The following KATNAL2 variants were observed in gnomAD, a reference collection of about 807,000 sequenced individuals.
KATNAL2 encodes katanin p60 ATPase-containing subunit A-like 2.
A neutral mutation model predicts 76.3 loss-of-function variants in KATNAL2; 52 were observed. The observed-to-expected ratio is 0.68, with a 90% CI of 0.55 to 0.86. KATNAL2 has a LOEUF of 0.86. Among genes scored for constraint, KATNAL2 ranks in the 40% least tolerant of loss-of-function variants. The pLI is 0.00. For synonymous variants in KATNAL2, 243 were observed against 244.2 expected (o/e 1.00, Z 0.05); for missense variants, 660 against 668.9 (o/e 0.99, Z 0.15).
At chr18:46,929,597 A>C (rs547658521) in intron 1 of KATNAL2, among the ~76,000 whole-genome samples, 3 of 152,068 alleles carry the variant, frequency 2.0e-5, no homozygotes, top group Non-Finnish European at 4.4e-5. Flanking sequence ...ATAGACCCCA[A>C]CTTATCCTTT....
At position 47,100,234 on chromosome 18, in the gene KATNAL2, T is replaced by C. The variant is rs370668189; in HGVS notation, c.1375-20T>C. The C allele has an allele frequency of 2.1e-5, 34 of 1,593,366 alleles. No homozygotes were observed. Among genetic ancestry groups the C allele is most frequent in the Non-Finnish European group, 2.8e-5 (32 of 1,161,100 alleles). On this transcript the variant is annotated intron_variant, in intron 16 of 17. Transcript: ENST00000683218. ...AGCATTCTGCCCACTGACCAATGGC[T>C]GGTTTTTTGGCTGTTTCAGGAGACT...
chr18:47,032,742 A>G, intron 3 of KATNAL2: 1 of 595,316 alleles, frequency 1.7e-6, no homozygotes, highest in South Asian at 2.3e-5. Context: ...TTTAAAAATT[A>G]TCAGTGAACA....
intron 8 of KATNAL2, among the ~76,000 whole-genome samples, chr18:47,059,902 GC>G (rs1569095623): frequency 6.6e-6 from 1 of 152,064 alleles, no homozygotes; most frequent in Non-Finnish European, 1.5e-5. Context: ...AAATTGAGGG[GC>G]TTGGAAGAGA....
chr18:46,956,848 T>C (rs1286778857), intron 3 of KATNAL2, among the ~76,000 whole-genome samples: 20 of 151,858 alleles, frequency 1.3e-4, no homozygotes, highest in Admixed American at 1.3e-3. Flanking sequence ...TTCCAGACCA[T>C]CCTGACCAAT....
At position 46,926,216 on chromosome 18, in the gene KATNAL2, G is replaced by C. The variant is rs186558643; in HGVS notation, c.-510+8290G>C. Among the ~76,000 whole-genome samples, 41 of 151,842 alleles carry C rather than the reference G, an allele frequency of 2.7e-4. 1 individual carries two copies. The highest frequency in any genetic ancestry group is 9.7e-4 in the African/African-American group (40 of 41,302). On this transcript the variant is annotated intron_variant, in intron 1 of 17. Coordinates refer to ENST00000683218, the MANE Select transcript of KATNAL2 (RefSeq NM_001387690.1). ...AGATCTTTCCTGCTTTCTCTTGTGG[G>C]CATTTAGTACTATAAATTTCCCTCT...
chr18:47,085,233 T>G (rs2062719658), intron 15 of KATNAL2, among the ~76,000 whole-genome samples: 1 of 152,186 alleles, frequency 6.6e-6, no homozygotes, highest in African/African-American at 2.4e-5. Context: ...ATTTGTGAAA[T>G]GGTAGTTTTA....
rs540250295 is a variant in KATNAL2, at chr18:47,049,365, A to G, written c.122+2838A>G. ...TTGGGTTTTATTCTCTTAATACCCA[A>G]CTTGGTTCAGCAAAGGACTTAAAGA... On this transcript the variant is annotated intron_variant, in intron 4 of 17. Transcript: ENST00000683218. 1.0e-3 allele frequency among the ~76,000 whole-genome samples: 152 copies of G among 152,296 alleles called. 2 individuals carry two copies. Among genetic ancestry groups the G allele is most frequent in the South Asian group, 4.8e-3 (23 of 4,826 alleles).
chr18:47,033,714 G>A (rs564539319), intron 3 of KATNAL2: 1 of 1,614,184 alleles, frequency 6.2e-7, no homozygotes, highest in East Asian at 2.2e-5. Context: ...CAGGCCTGGA[G>A]CCCGAGTACA....
chr18:46,949,876 G>A (rs1280145844), intron 3 of KATNAL2, among the ~76,000 whole-genome samples: 1 of 152,054 alleles, frequency 6.6e-6, no homozygotes, highest in East Asian at 1.9e-4. Context: ...CCTCTCTTCA[G>A]TCCAACCTTC....
In KATNAL2 at chr18:47,098,398, C is replaced by T. The variant is rs937730701; in HGVS notation, c.1212-845C>T. The T allele has an allele frequency of 5.2e-5, 11 of 211,562 alleles. No individual in the cohort carries two copies. In the East Asian group the frequency reaches 5.3e-4, roughly 10 times the overall value. 13.1% of individuals were successfully genotyped at this position (211,562 alleles called of 1,614,324 possible). A position where few individuals can be genotyped will look rare whatever the true frequency, so the allele number is the denominator to read the frequency against. ...TGGCAGCAAGAGAAAATGAGGAAGA[C>T]GCAAGAAGCGGAAACCCCTGATAAA... On this transcript the variant is annotated intron_variant, in intron 15 of 17. Coordinates refer to ENST00000683218, the MANE Select transcript of KATNAL2 (RefSeq NM_001387690.1).
chr18:47,076,172 A>G (rs2062211549), intron 14 of KATNAL2: 1 of 152,238 alleles, frequency 6.6e-6, no homozygotes, highest in Non-Finnish European at 1.5e-5. Context: ...TAGTAATAAA[A>G]CACAATTAAT....
chr18:46,952,926 G>A (rs1436423736), intron 3 of KATNAL2, among the ~76,000 whole-genome samples: 1 of 108,840 alleles, frequency 9.2e-6, no homozygotes, highest in Non-Finnish European at 1.7e-5. Flanking sequence ...GCGGAGTCTC[G>A]CTCTGTTGCC....
intron 1 of KATNAL2, among the ~76,000 whole-genome samples, chr18:46,933,114 C>G (rs1688204332): frequency 6.6e-6 from 1 of 152,024 alleles, no homozygotes; most frequent in African/African-American, 2.4e-5. Flanking sequence ...CTCAGGAATT[C>G]AAGGACGATC....
At position 47,100,330 on chromosome 18, in the gene KATNAL2, T is replaced by C. The variant is rs765811744; in HGVS notation, c.1451T>C (p.Phe484Ser). The change falls in exon 17 of 18, where the codon TTT becomes TCT. Residue 484 changes from phenylalanine (F) to serine (S), a missense_variant. Coordinates refer to ENST00000683218, the MANE Select transcript of KATNAL2 (RefSeq NM_001387690.1). ...GCCATGCGGCCCGTGAGGAAGATCT[T>C]TGATGCACTTGAAAATCACCAGTCA... Reference protein sequence around the residue: ...EAAMRPVRKIFDALENHQSES... With the variant: ...EAAMRPVRKISDALENHQSES... 1.1e-5 allele frequency: 18 copies of C among 1,613,940 alleles called. No individual in the cohort carries two copies. The East Asian group carries it at 2.2e-4, about 20-fold the overall frequency.
At chr18:47,055,569 G>A (rs547878373) in intron 6 of KATNAL2, among the ~76,000 whole-genome samples, 1 of 152,274 alleles carries the variant, frequency 6.6e-6, no homozygotes, top group East Asian at 1.9e-4. Flanking sequence ...ACTTGGCCTC[G>A]GGCTACCTTT....
At chr18:47,077,290 G>A in intron 14 of KATNAL2, 61 bp from the exon 15 acceptor site, 1 of 1,260,520 alleles carries the variant, frequency 7.9e-7, no homozygotes, top group South Asian at 1.2e-5. Flanking sequence ...TGTGAATGCT[G>A]CTCTTGTCAT....
At chr18:47,059,791 G>T in intron 8 of KATNAL2, 137 bp downstream of exon 8, 1 of 636,268 alleles carries the variant, frequency 1.6e-6, no homozygotes. Flanking sequence ...GGTAAATGGA[G>T]AAGAGCGTCA....
chr18:46,961,434 C>G (rs2059947256), intron 3 of KATNAL2, among the ~76,000 whole-genome samples: 2 of 152,172 alleles, frequency 1.3e-5, no homozygotes, highest in African/African-American at 4.8e-5. Context: ...TCATGTAATA[C>G]ACTTGTGTTG....
intron 3 of KATNAL2, among the ~76,000 whole-genome samples, chr18:46,951,896 C>T (rs1020230405): frequency 2.0e-5 from 3 of 152,074 alleles, no homozygotes; most frequent in African/African-American, 2.4e-5. Context: ...GCCTCAGCCT[C>T]CCAAGTAGTT....
Sources: allele counts gnomAD v4.1 joint callset (sites outside exome capture counted in the v4.1 genomes callset), GRCh38; gene constraint gnomAD v4.1.1; transcripts MANE v1.5; gene names NCBI Gene and HGNC (gene_info 2026-07-23, HGNC 2026-07-21).